Variants in STIM1 observed in about 807,000 individuals in gnomAD.
STIM1 encodes the protein stromal interaction molecule 1.
In STIM1, 25 loss-of-function variants were observed where a neutral mutation model predicts 74.7. The ratio of observed to expected loss-of-function variants is 0.33; its 90% CI spans 0.24 to 0.47. STIM1 has a LOEUF of 0.47. Among genes scored for constraint, STIM1 ranks in the 20% least tolerant of loss-of-function variants. The pLI is 1.00. For missense variants in STIM1, 728 were observed against 920.8 expected, an observed-to-expected ratio of 0.79 and a Z score of 2.71; for synonymous variants, 328 against 348.8, an observed-to-expected ratio of 0.94 and a Z score of 0.66.
At chr11:4,061,214 T>C (rs2094328312) in intron 5 of STIM1, among the ~76,000 whole-genome samples, 1 of 152,150 alleles carries the variant, frequency 6.6e-6, no homozygotes, top group East Asian at 1.9e-4. Context: ...TCAGCTAGCA[T>C]GGGAACCAGA....
At chr11:3,871,073 A>G (rs2091074819) in intron 1 of STIM1, among the ~76,000 whole-genome samples, 1 of 151,798 alleles carries the variant, frequency 6.6e-6, no homozygotes, top group Middle Eastern at 3.4e-3. Context: ...GGGTTTCACC[A>G]TGTTAGCTAG....
intron 3 of STIM1, among the ~76,000 whole-genome samples, chr11:4,047,656 A>G (rs1343965591): frequency 6.6e-6 from 1 of 151,814 alleles, no homozygotes; most frequent in East Asian, 1.9e-4. Flanking sequence ...AAAGACAAAG[A>G]CAAAAAAAGA....
chr11:3,944,292 T>G (rs1395694991), intron 1 of STIM1, among the ~76,000 whole-genome samples: 3 of 152,246 alleles, frequency 2.0e-5, no homozygotes, highest in East Asian at 1.9e-4. Context: ...AAGATTTGTA[T>G]GCTGTGGATG....
intron 2 of STIM1, among the ~76,000 whole-genome samples, chr11:4,023,604 A>T (rs2093975923): frequency 6.6e-6 from 1 of 152,094 alleles, no homozygotes; most frequent in Non-Finnish European, 1.5e-5. Context: ...GTTAACTGTC[A>T]TGTATTGTCT....
intron 2 of STIM1, among the ~76,000 whole-genome samples, chr11:4,015,602 T>G (rs2093888394): frequency 6.6e-6 from 1 of 152,236 alleles, no homozygotes; most frequent in Non-Finnish European, 1.5e-5. Flanking sequence ...CCTTGCTAGG[T>G]TGGGGAAGTT....
At chr11:4,023,825 G>T (rs1269658130) in intron 2 of STIM1, 48 bp from the exon 3 acceptor site, 1 of 1,479,696 alleles carries the variant, frequency 6.8e-7, no homozygotes, top group African/African-American at 1.4e-5. Context: ...GATCTTGACG[G>T]GCTGACTCCT....
intron 1 of STIM1, among the ~76,000 whole-genome samples, chr11:3,919,556 G>A (rs1400416988): frequency 6.6e-6 from 1 of 152,032 alleles, no homozygotes; most frequent in Non-Finnish European, 1.5e-5. Context: ...TTTAAATAGT[G>A]ACTCATAGAG....
At chr11:3,967,807 C>A in intron 2 of STIM1, 125 bp downstream of exon 2, 2 of 1,405,556 alleles carry the variant, frequency 1.4e-6, no homozygotes, top group Non-Finnish European at 2.0e-6. Flanking sequence ...AGGAACTCAT[C>A]CCTATCAGGG....
rs78591951 is a variant in STIM1, at chr11:4,021,448, A to G, written c.271-2425A>G. ...GCCCCCAGTACAGTTTATTGAAGAG[A>G]TTGTCCTTTCCTCAGTGTTTGTTCA... On this transcript the variant is annotated intron_variant, in intron 2 of 12. Coordinates refer to ENST00000526596, the MANE Select transcript of STIM1 (RefSeq NM_001382567.1). Among the ~76,000 whole-genome samples, 1,061 of 152,220 alleles carry G rather than the reference A, an allele frequency of 7.0e-3. 8 individuals are homozygous for G. Among genetic ancestry groups the G allele is most frequent in the African/African-American group, 0.024 (1,001 of 41,534 alleles).
At chr11:3,913,865 A>T (rs995618701) in intron 1 of STIM1, among the ~76,000 whole-genome samples, 3 of 152,192 alleles carry the variant, frequency 2.0e-5, no homozygotes, top group Non-Finnish European at 2.9e-5. Context: ...ATGAAATCAT[A>T]TAATATGTGA....
intron 2 of STIM1, among the ~76,000 whole-genome samples, chr11:4,008,326 G>C (rs926176186): frequency 6.6e-6 from 1 of 152,026 alleles, no homozygotes; most frequent in African/African-American, 2.4e-5. Flanking sequence ...GACACATGAT[G>C]CATTTCTTAG....
intron 1 of STIM1, among the ~76,000 whole-genome samples, chr11:3,956,769 A>G (rs1327215933): frequency 6.9e-6 from 1 of 144,606 alleles, no homozygotes; most frequent in Non-Finnish European, 1.5e-5. Context: ...GCTGCAGTGA[A>G]CCATGATCAT....
At chr11:3,916,325 T>C (rs2092642548) in intron 1 of STIM1, among the ~76,000 whole-genome samples, 1 of 151,998 alleles carries the variant, frequency 6.6e-6, no homozygotes, top group South Asian at 2.1e-4. Flanking sequence ...CTCGCTTTGT[T>C]GCCCAGGCTG....
intron 2 of STIM1, chr11:3,989,483 G>A (rs1272357453): frequency 6.1e-6 from 4 of 654,592 alleles, no homozygotes; most frequent in Admixed American, 2.1e-5. Flanking sequence ...TGGAGGGTGC[G>A]TGCGGGATGT....
intron 1 of STIM1, among the ~76,000 whole-genome samples, chr11:3,947,100 G>GTTTTTTTTTTTTTTTTTTTTTT (rs57701004): frequency 2.2e-5 from 3 of 139,350 alleles, no homozygotes; most frequent in African/African-American, 2.7e-5. Context: ...CATTCTTAGT[G>GTTTTTTTTTTTTTTTTTTTTTT]TTTTTTTTTT....
chr11:4,086,411 C>A, intron 11 of STIM1, 66 bp from the exon 12 acceptor site: 1 of 1,580,310 alleles, frequency 6.3e-7, no homozygotes, highest in Non-Finnish European at 8.6e-7. Flanking sequence ...TATTCATGGG[C>A]ACCTCCTTAC....
rs866049518 is a variant in STIM1, at chr11:3,920,793, A to T, written c.140-46759A>T. 8.6e-3 allele frequency among the ~76,000 whole-genome samples: 1,269 copies of T among 148,086 alleles called. 16 individuals are homozygous for T. The highest frequency in any genetic ancestry group is 0.029 in the African/African-American group (1,181 of 40,076). On this transcript the variant is annotated intron_variant, in intron 1 of 12. Coordinates refer to ENST00000526596, the MANE Select transcript of STIM1 (RefSeq NM_001382567.1). ...TACCCTGAAGTATCTTTTTTTTTTTATTTTTTTTAATTTTTTTTTTGAGAT... is the reference window on the plus strand; with the variant it reads ...TACCCTGAAGTATCTTTTTTTTTTTTTTTTTTTTAATTTTTTTTTTGAGAT...
In STIM1 at chr11:3,894,895, C is replaced by T. The variant is rs554407011; in HGVS notation, c.139+38486C>T. ...CTGGCATTACAGGCATGTGCCACCACGCCTGGCTAATTTTTTTTTTTTTTT... is the reference window on the plus strand; with the variant it reads ...CTGGCATTACAGGCATGTGCCACCATGCCTGGCTAATTTTTTTTTTTTTTT... On this transcript the variant is annotated intron_variant, in intron 1 of 12. Coordinates refer to ENST00000526596, the MANE Select transcript of STIM1 (RefSeq NM_001382567.1). 7.9e-3 allele frequency among the ~76,000 whole-genome samples: 1,173 copies of T among 148,622 alleles called. 9 individuals carry two copies. Among genetic ancestry groups the T allele is most frequent in the Non-Finnish European group, 0.014 (936 of 67,486 alleles).
At chr11:3,923,600 C>T (rs545562317) in intron 1 of STIM1, among the ~76,000 whole-genome samples, 24 of 140,928 alleles carry the variant, frequency 1.7e-4, no homozygotes, top group African/African-American at 7.4e-4. Flanking sequence ...CAGAGTGAGA[C>T]CCTATCTCAA....
Sources: allele counts gnomAD v4.1 joint callset (sites outside exome capture counted in the v4.1 genomes callset), GRCh38; gene constraint gnomAD v4.1.1; transcripts MANE v1.5; gene names NCBI Gene and HGNC (gene_info 2026-07-23, HGNC 2026-07-21).